The following MYO7A variants were observed in gnomAD, a reference collection of about 807,000 sequenced individuals.
MYO7A encodes the protein myosin VIIA, also known as unconventional myosin-VIIa.
In MYO7A, 210 loss-of-function variants were observed where a neutral mutation model predicts 263.8. The observed-to-expected ratio is 0.80, with a 90% CI of 0.71 to 0.89. The LOEUF is 0.89. MYO7A is among the 40% of genes least tolerant of loss of function. The pLI is 0.00. For synonymous variants in MYO7A, 1,239 were observed against 1,197.3 expected (o/e 1.03, Z -0.72); for missense variants, 2,820 against 2,968.3 (o/e 0.95, Z 1.16).
chr11:77,150,820 G>A (rs117207823), intron 4 of MYO7A, among the ~76,000 whole-genome samples: 503 of 152,278 alleles, frequency 3.3e-3, no homozygotes, highest in Non-Finnish European at 5.8e-3. Flanking sequence ...TCCTTGACTC[G>A]CTGAGTTCAT....
chr11:77,174,955 C>T, intron 17 of MYO7A, 41 bp downstream of exon 17: 1 of 1,594,812 alleles, frequency 6.3e-7, no homozygotes, highest in South Asian at 1.1e-5. Context: ...GGGAGGGTCC[C>T]AGCTTTGGCT....
intron 27 of MYO7A, among the ~76,000 whole-genome samples, chr11:77,188,281 C>A (rs1555089485): frequency 2.6e-5 from 4 of 152,176 alleles, no homozygotes; most frequent in Non-Finnish European, 1.5e-5. Context: ...AACTTGTTTT[C>A]TTTAAAGGAC....
intron 33 of MYO7A, among the ~76,000 whole-genome samples, chr11:77,198,127 C>T (rs966737538): frequency 6.6e-6 from 1 of 152,230 alleles, no homozygotes; most frequent in Non-Finnish European, 1.5e-5. Context: ...TTACTGGGCA[C>T]CTGCTGTGTG....
chr11:77,157,248 C>G, intron 7 of MYO7A, 31 bp from the exon 8 acceptor site: 1 of 1,556,154 alleles, frequency 6.4e-7, no homozygotes. Context: ...CCCTCCTCCC[C>G]TGGCCCCCAG....
rs397516331 is a variant in MYO7A at position 77,213,919 on chromosome 11, C to T, written c.6498C>T (p.Tyr2166=). 3.1e-6 allele frequency: 5 copies of T among 1,613,976 alleles called. No homozygotes were observed. Among genetic ancestry groups the T allele is most frequent in the Non-Finnish European group, 4.2e-6 (5 of 1,179,914 alleles). The part of the protein sequence containing the change: ...KISNWSSGNT[Y]FHITIGNLVR... ...CCAACTGGAGCAGCGGCAACACCTA[C>T]TTCCACATCACCATTGGGAACTTGG... The change falls in exon 48 of 49, where the codon TAC becomes TAT. Residue 2166 remains tyrosine (Y), a synonymous_variant. Coordinates refer to ENST00000409709, the MANE Select transcript of MYO7A (RefSeq NM_000260.4).
chr11:77,182,841 T>C (rs574431054), intron 25 of MYO7A, among the ~76,000 whole-genome samples: 1 of 152,376 alleles, frequency 6.6e-6, no homozygotes, highest in East Asian at 1.9e-4. Context: ...GGCTTTGCAG[T>C]TGGAGCCAGC....
chr11:77,203,317 C>T (rs770286015), intron 38 of MYO7A, 100 bp downstream of exon 38: 2 of 1,363,352 alleles, frequency 1.5e-6, no homozygotes, highest in South Asian at 1.4e-5. Flanking sequence ...GACCCGGGCA[C>T]ACATGGGGAG....
At chr11:77,150,684 C>T (rs1951898668) in intron 4 of MYO7A, among the ~76,000 whole-genome samples, 1 of 152,126 alleles carries the variant, frequency 6.6e-6, no homozygotes, top group African/African-American at 2.4e-5. Flanking sequence ...TGTCCAGGAC[C>T]CCTGGCCGGG....
chr11:77,163,728 T>C (rs1953238798), intron 14 of MYO7A, among the ~76,000 whole-genome samples: 1 of 152,192 alleles, frequency 6.6e-6, no homozygotes. Flanking sequence ...TCTTTAATTT[T>C]CATCCACGTT....
At chr11:77,172,042 C>T (rs1234691574) in intron 15 of MYO7A, among the ~76,000 whole-genome samples, 7 of 152,210 alleles carry the variant, frequency 4.6e-5, no homozygotes, top group Non-Finnish European at 8.8e-5. Context: ...GCCAGGCCTG[C>T]CCCGCCCCCA....
At chr11:77,160,027 C>T (rs1453462672) in intron 10 of MYO7A, 136 bp from the exon 11 acceptor site, 32 of 1,336,634 alleles carry the variant, frequency 2.4e-5, no homozygotes, top group South Asian at 6.2e-5. Flanking sequence ...AGGATTTGGC[C>T]GTGGGCCCTG....
At chr11:77,208,862 C>A in intron 44 of MYO7A, 59 bp downstream of exon 44, 1 of 1,382,616 alleles carries the variant, frequency 7.2e-7, no homozygotes, top group Non-Finnish European at 1.0e-6. Context: ...GTACTTTGGC[C>A]CTGAAAGCAG....
At position 77,138,273 on chromosome 11, in the gene MYO7A, G is replaced by T. The variant is rs1565300068; in HGVS notation, c.19-4436G>T. On this transcript the variant is annotated intron_variant, in intron 2 of 48. Coordinates refer to ENST00000409709, the MANE Select transcript of MYO7A (RefSeq NM_000260.4). This position sits in a 1 kb window ranked among gnomAD's most constrained non-coding sequence, Gnocchi z 4.9. The stretch of plus-strand genomic sequence containing the variant: ...GCGCGCACGGGATTAGGTGAATTAG[G>T]GAGCCGGAGCAGTGCCGCCGTCGCC... 6.6e-6 allele frequency among the ~76,000 whole-genome samples: 1 copy of T among 152,176 alleles called. No homozygotes were observed. The highest frequency in any genetic ancestry group is 1.5e-5 in the Non-Finnish European group (1 of 68,022).
At chr11:77,181,798 T>G (rs1216546506) in intron 23 of MYO7A, among the ~76,000 whole-genome samples, 153 bp from the exon 24 acceptor site, 2 of 144,758 alleles carry the variant, frequency 1.4e-5, no homozygotes, top group African/African-American at 2.6e-5. Context: ...TTTTTTTTTT[T>G]TTTTGAGATG....
intron 42 of MYO7A, 65 bp downstream of exon 42, chr11:77,207,467 C>A (rs970651729): frequency 4.2e-6 from 5 of 1,177,102 alleles, no homozygotes; most frequent in Admixed American, 3.9e-5. Flanking sequence ...TTACGGACAG[C>A]AGACGGAAGA....
In MYO7A at chr11:77,191,910, T is replaced by A. The variant is rs150483577; in HGVS notation, c.3925-141T>A. Reference sequence around the variant, plus strand: ...CTTAGAGCCCAGGGCTAGAATCTGGTCTGCCTCCTGGGGGCCTTGGACGTG... The same window carrying A: ...CTTAGAGCCCAGGGCTAGAATCTGGACTGCCTCCTGGGGGCCTTGGACGTG... On this transcript the variant is annotated intron_variant, in intron 30 of 48. Coordinates refer to ENST00000409709, the MANE Select transcript of MYO7A (RefSeq NM_000260.4). 1.7e-3 allele frequency: 1,172 copies of A among 677,296 alleles called. 12 individuals carry two copies. In the African/African-American group the frequency reaches 0.019, roughly 11 times the overall value. The allele number at this position is 677,296 out of a possible 1,614,324, so 42.0% of individuals were successfully genotyped here. A position where few individuals can be genotyped will look rare whatever the true frequency, so the allele number is the denominator to read the frequency against.
intron 39 of MYO7A, among the ~76,000 whole-genome samples, chr11:77,204,485 T>C (rs1018424111): frequency 6.6e-6 from 1 of 152,226 alleles, no homozygotes; most frequent in East Asian, 1.9e-4. Context: ...TCCTAACGTT[T>C]GGCTGGAGCC....
chr11:77,157,072 CCTGCCCGTATTG>C lies in MYO7A; in HGVS notation c.735+83_735+94del, dbSNP rs201549378. The C allele has an allele frequency of 5.3e-4, 835 of 1,569,290 alleles. 9 individuals carry two copies. The East Asian group carries it at 0.017, about 32-fold the overall frequency. On this transcript the variant is annotated intron_variant, in intron 7 of 48. Transcript: ENST00000409709. ...TGGCCTCAGGGGTCTGCGTGGCCCA[CCTGCCCGTATTG>C]CTGCCCGTATTGCTCCCCCACCTGC... is the stretch of plus-strand genomic sequence containing the variant.
chr11:77,197,260 G>A (rs892384515), intron 32 of MYO7A, among the ~76,000 whole-genome samples: 5 of 152,218 alleles, frequency 3.3e-5, no homozygotes, highest in African/African-American at 1.2e-4. Context: ...TTGGGCCCCA[G>A]CACCTGCATA....
Sources: allele counts gnomAD v4.1 joint callset (sites outside exome capture counted in the v4.1 genomes callset), GRCh38; gene constraint gnomAD v4.1.1; non-coding constraint Gnocchi (gnomAD v3.1); transcripts MANE v1.5; gene names NCBI Gene and HGNC (gene_info 2026-07-23, HGNC 2026-07-21).